The following SDCCAG8 variants were observed in gnomAD, a reference collection of about 807,000 sequenced individuals.
SDCCAG8 encodes SHH signaling and ciliogenesis regulator SDCCAG8.
SDCCAG8 carries 74 observed loss-of-function variants against 101.8 expected under a neutral mutation model. That is an observed-to-expected ratio of 0.73 (90% CI 0.60 to 0.88). The LOEUF (loss-of-function observed/expected upper bound fraction) is 0.88, where lower values mean the gene tolerates loss of function less well. Ranked by LOEUF, SDCCAG8 falls within the 40% of genes least tolerant of loss-of-function variation. The pLI is 0.00. For synonymous variants in SDCCAG8, 281 were observed against 292.9 expected (o/e 0.96, Z 0.41); for missense variants, 787 against 822.6 (o/e 0.96, Z 0.53).
rs1220039366 is a variant in SDCCAG8 at position 243,416,359 on chromosome 1, G to T, written c.1744+530G>T. ...ATTAATCGGTTCTTAATTCACTGTC[G>T]CAGCTGGATGTAATTCAGTGGCTCC... On this transcript the variant is annotated intron_variant, in intron 14 of 17. Transcript: ENST00000366541. The surrounding 1 kb of genome is among the most constrained non-coding windows in gnomAD (Gnocchi z 4.3). 6.6e-6 allele frequency among the ~76,000 whole-genome samples: 1 copy of T among 152,170 alleles called. No individual in the cohort carries two copies. Among genetic ancestry groups the T allele is most frequent in the East Asian group, 1.9e-4 (1 of 5,190 alleles).
At position 243,299,890 on chromosome 1, in the gene SDCCAG8, A is replaced by G. The variant is rs534769800; in HGVS notation, c.676-4823A>G. On this transcript the variant is annotated intron_variant, in intron 6 of 17. Transcript: ENST00000366541. ...TAATTTTTTTTTTTTTTTGAGACGG[A>G]GTCTCACTCTGTTGCCCAGGCTGGA... Among the ~76,000 whole-genome samples the G allele has an allele frequency of 3.5e-3, 482 of 136,862 alleles. 1 individual carries two copies. The highest frequency in any genetic ancestry group is 0.018 in the South Asian group (79 of 4,352). The allele number at this position is 136,862 out of a possible 152,430, so 89.8% of individuals were successfully genotyped here.
chr1:243,344,535 A>T (rs1346090132), intron 12 of SDCCAG8, among the ~76,000 whole-genome samples: 1 of 152,240 alleles, frequency 6.6e-6, no homozygotes, highest in Non-Finnish European at 1.5e-5. Context: ...AACAGCATGC[A>T]TATAAAATTC....
At chr1:243,298,502 A>T (rs1377164951) in intron 6 of SDCCAG8, among the ~76,000 whole-genome samples, 1 of 151,776 alleles carries the variant, frequency 6.6e-6, no homozygotes, top group Admixed American at 6.6e-5. Flanking sequence ...TTTTTAGTAG[A>T]GACGGGGTTT....
chr1:243,480,272 G>T (rs144767793), intron 16 of SDCCAG8, among the ~76,000 whole-genome samples: 1 of 148,960 alleles, frequency 6.7e-6, no homozygotes, highest in Non-Finnish European at 1.5e-5. Flanking sequence ...CTTCAAGAGT[G>T]AAGGTCATGG....
rs186314584 is a variant in SDCCAG8 at position 243,304,625 on chromosome 1, A to G, written c.676-88A>G. The G allele has an allele frequency of 2.6e-4, 188 of 727,684 alleles. 3 individuals carry two copies. In the East Asian group the frequency reaches 4.7e-3, roughly 18 times the overall value. 45.1% of individuals were successfully genotyped at this position (727,684 alleles called of 1,614,324 possible). A position where few individuals can be genotyped will look rare whatever the true frequency, so the allele number is the denominator to read the frequency against. Reference sequence around the variant, plus strand: ...TTTCCCCCACGTTGGGTAAAAAGAAAAAAATTGAGTTTAATATTAAAAATT... The same window carrying G: ...TTTCCCCCACGTTGGGTAAAAAGAAGAAAATTGAGTTTAATATTAAAAATT... On this transcript the variant is annotated intron_variant, in intron 6 of 17. Coordinates refer to ENST00000366541, the MANE Select transcript of SDCCAG8 (RefSeq NM_006642.5).
intron 10 of SDCCAG8, among the ~76,000 whole-genome samples, chr1:243,335,502 G>A (rs946390799): frequency 2.6e-5 from 4 of 152,170 alleles, no homozygotes; most frequent in African/African-American, 7.2e-5. Context: ...AAGGAAAAAC[G>A]AAGGCTGAAG....
In SDCCAG8 at chr1:243,330,551, G is replaced by C; in HGVS notation, c.1080G>C (p.Gln360His). Reference sequence around the variant, plus strand: ...TTCTATCCTGGCAGGCTTTAATCCAGTGTGACCAGTTGAGGAAGGAGCTGG... The same window carrying C: ...TTCTATCCTGGCAGGCTTTAATCCACTGTGACCAGTTGAGGAAGGAGCTGG... ...ANFEKTKALI[Q>H]CDQLRKELER... The change falls in exon 10 of 18, where the codon CAG becomes CAC. Residue 360 changes from glutamine (Q) to histidine (H), a missense_variant. Gln to His is a conservative substitution (Grantham distance 24). Coordinates refer to ENST00000366541, the MANE Select transcript of SDCCAG8 (RefSeq NM_006642.5). 1.9e-6 allele frequency: 3 copies of C among 1,614,038 alleles called. No individual in the cohort carries two copies. Among genetic ancestry groups the C allele is most frequent in the Non-Finnish European group, 2.5e-6 (3 of 1,179,988 alleles).
chr1:243,434,124 T>C (rs2081980169), intron 16 of SDCCAG8, among the ~76,000 whole-genome samples: 1 of 152,248 alleles, frequency 6.6e-6, no homozygotes, highest in African/African-American at 2.4e-5. Flanking sequence ...TTAGTTTGTT[T>C]TGGATTGTTT....
At chr1:243,300,905 T>C (rs1477398853) in intron 6 of SDCCAG8, among the ~76,000 whole-genome samples, 1 of 152,184 alleles carries the variant, frequency 6.6e-6, no homozygotes, top group African/African-American at 2.4e-5. Flanking sequence ...AGAATTTTTT[T>C]TGAGATTTGT....
intron 13 of SDCCAG8, among the ~76,000 whole-genome samples, chr1:243,400,991 T>C (rs2079359255): frequency 6.6e-6 from 1 of 152,210 alleles, no homozygotes; most frequent in Non-Finnish European, 1.5e-5. Context: ...GGCAATAAGC[T>C]CTGGAAGTCG....
chr1:243,344,566 A>G (rs1319503925), intron 12 of SDCCAG8, among the ~76,000 whole-genome samples: 3 of 152,242 alleles, frequency 2.0e-5, no homozygotes, highest in Non-Finnish European at 4.4e-5. Flanking sequence ...GGTCATAAAT[A>G]TACATTTGGA....
intron 16 of SDCCAG8, among the ~76,000 whole-genome samples, chr1:243,447,468 C>T (rs1364943513): frequency 1.3e-5 from 2 of 151,884 alleles, no homozygotes; most frequent in African/African-American, 4.8e-5. Flanking sequence ...TTAATTAGGT[C>T]TTAGTATCTA....
At chr1:243,304,688 G>T in intron 6 of SDCCAG8, 25 bp from the exon 7 acceptor site, 1 of 1,255,600 alleles carries the variant, frequency 8.0e-7, no homozygotes, top group Non-Finnish European at 1.2e-6. Context: ...AGAGAAAAAT[G>T]TACTTCTATT....
intron 8 of SDCCAG8, among the ~76,000 whole-genome samples, chr1:243,311,768 A>T (rs551576357): frequency 5.3e-5 from 4 of 75,244 alleles, no homozygotes; most frequent in Non-Finnish European, 3.1e-5. Context: ...TTTAAAAATT[A>T]AAAAAAAAAA....
At chr1:243,308,200 G>A (rs758270068) in intron 8 of SDCCAG8, 23 bp downstream of exon 8, 12 of 1,613,010 alleles carry the variant, frequency 7.4e-6, no homozygotes, top group Non-Finnish European at 8.5e-6. Context: ...CTACGCGCAC[G>A]GAGACTTTGG....
chr1:243,294,236 A>C (rs1192059565), intron 6 of SDCCAG8, among the ~76,000 whole-genome samples: 1 of 152,158 alleles, frequency 6.6e-6, no homozygotes, highest in Non-Finnish European at 1.5e-5. Flanking sequence ...TTGTAATGTG[A>C]TAACTCTGGA....
chr1:243,422,607 G>A (rs950757774), intron 15 of SDCCAG8, among the ~76,000 whole-genome samples: 6 of 152,070 alleles, frequency 3.9e-5, no homozygotes, highest in African/African-American at 4.8e-5. Flanking sequence ...ACACACACCC[G>A]GTTGAACTGT....
Position 243,266,888 on chromosome 1 carries a change from G to C in SDCCAG8, c.68-3217G>C, listed in dbSNP as rs1446835293. Among the ~76,000 whole-genome samples the C allele has an allele frequency of 2.1e-5, 3 of 146,156 alleles. No individual in the cohort carries two copies. In the South Asian group the frequency reaches 6.5e-4, roughly 32 times the overall value. On this transcript the variant is annotated intron_variant, in intron 1 of 17. Coordinates refer to ENST00000366541, the MANE Select transcript of SDCCAG8 (RefSeq NM_006642.5). ...AACCCTGGAGGCAGAGCCACAGTGA[G>C]CTGAGACTGCACTACTTGCACTCCA...
chr1:243,419,974 A>G (rs1244459256), intron 15 of SDCCAG8, among the ~76,000 whole-genome samples: 1 of 152,180 alleles, frequency 6.6e-6, no homozygotes, highest in Non-Finnish European at 1.5e-5. Context: ...CCTGAACAGT[A>G]CTTTGTAAAT....
Sources: gnomAD v4.1 joint callset for allele counts (sites outside exome capture counted in the v4.1 genomes callset) on GRCh38, gnomAD v4.1.1 for gene constraint, Gnocchi (gnomAD v3.1) non-coding constraint, MANE v1.5 for transcripts, NCBI Gene and HGNC (gene_info 2026-07-23, HGNC 2026-07-21) for gene names.